Variants in F7 observed in about 807,000 individuals in gnomAD.
F7 encodes FVII coagulation protein.
In F7, 38 loss-of-function variants were observed where a neutral mutation model predicts 47.5. The ratio of observed to expected loss-of-function variants is 0.80; its 90% CI spans 0.62 to 1.05. The LOEUF (loss-of-function observed/expected upper bound fraction) is 1.05, where lower values mean the gene tolerates loss of function less well. F7 is among the 50% of genes least tolerant of loss of function. F7 has a pLI of 0.00. For synonymous variants in F7, 244 were observed against 258.5 expected (o/e 0.94, Z 0.54); for missense variants, 575 against 605.4 (o/e 0.95, Z 0.53).
intron 1 of F7, chr13:113,106,913 G>A (rs1216046931): frequency 1.2e-6 from 2 of 1,601,476 alleles, no homozygotes. Context: ...TCACAGAGGT[G>A]AGCAGGGACT....
chr13:113,110,329 A>AG (rs918926786), intron 1 of F7: 7 of 242,762 alleles, frequency 2.9e-5, no homozygotes, highest in African/African-American at 4.7e-5. Flanking sequence ...CGTGGGCCCC[A>AG]GGGGGTTGCC....
rs2036245872 is a variant in F7, at chr13:113,118,756, C to G, written c.1083C>G (p.Ile361Met). 2.5e-6 allele frequency: 4 copies of G among 1,613,076 alleles called. No individual in the cohort carries two copies. In the African/African-American group the frequency reaches 5.3e-5, roughly 22 times the overall value. Residue 361 changes from isoleucine (I) to methionine (M), a missense_variant, in exon 8 of 8, where the codon ATC (isoleucine) becomes ATG (methionine). Transcript: ENST00000346342. Reference protein sequence around the residue: ...QSRKVGDSPNITEYMFCAGYS... With the variant: ...QSRKVGDSPNMTEYMFCAGYS... ...GGAAGGTGGGAGACTCCCCAAATAT[C>G]ACGGAGTACATGTTCTGTGCCGGCT...
intron 4 of F7, among the ~76,000 whole-genome samples, chr13:113,115,225 G>A (rs1275380536): frequency 6.6e-6 from 1 of 152,224 alleles, no homozygotes; most frequent in Admixed American, 6.5e-5. Flanking sequence ...CGGGCTCACG[G>A]TGGTACGAGG....
At chr13:113,110,459 CG>C in intron 1 of F7, 1 of 509,158 alleles carries the variant, frequency 2.0e-6, no homozygotes. Context: ...AGCGCGCCCT[CG>C]GGATCAGCCC....
chr13:113,111,061 C>A lies in F7; in HGVS notation c.225+211C>A, dbSNP rs193292741. On this transcript the variant is annotated intron_variant, in intron 2 of 7. Transcript: ENST00000346342. ...CCCACCCCCAGGCACGCGCTCTCCC[C>A]GTGCGGCCGCACCGCGCATGCCGGT... 2.6e-5 allele frequency among the ~76,000 whole-genome samples: 4 copies of A among 152,204 alleles called. 1 individual carries two copies. Among genetic ancestry groups the A allele is most frequent in the Admixed American group, 6.5e-5 (1 of 15,288 alleles).
chr13:113,111,237 C>T (rs1247702149), intron 2 of F7, among the ~76,000 whole-genome samples: 2 of 152,178 alleles, frequency 1.3e-5, no homozygotes, highest in African/African-American at 4.8e-5. Flanking sequence ...GAAGCTGGCC[C>T]ACAGCATGCC....
At chr13:113,114,621 G>C (rs780316133) in intron 4 of F7, 4 of 157,162 alleles carry the variant, frequency 2.5e-5, no homozygotes, top group African/African-American at 9.7e-5. Context: ...TACGAGCCCC[G>C]GTGTCCAGAG....
Position 113,119,070 on chromosome 13 carries a change from T to C in F7, c.*62T>C. 5.2e-6 allele frequency: 7 copies of C among 1,357,172 alleles called. No individual in the cohort carries two copies. Among genetic ancestry groups the C allele is most frequent in the Non-Finnish European group, 5.0e-6 (5 of 991,140 alleles). The allele number at this position is 1,357,172 out of a possible 1,614,324, so 84.1% of individuals were successfully genotyped here. A position where few individuals can be genotyped will look rare whatever the true frequency, so the allele number is the denominator to read the frequency against. On this transcript the variant is annotated 3_prime_UTR_variant, in exon 8 of 8. Coordinates refer to ENST00000346342, the MANE Select transcript of F7 (RefSeq NM_019616.4). ...TGCGTCGAACTGTCCTGGCACCAAA[T>C]CCCATATATTCTTCTGCAGTTAATG...
Position 113,105,862 on chromosome 13 carries a change from G to C in F7, c.21G>C (p.Arg7Ser). MVSQALRLLCLLLGLQG... is the reference protein window; with the variant it reads MVSQALSLLCLLLGLQG... ...TCATCATGGTCTCCCAGGCCCTCAG[G>C]CTCCTCTGCCTTCTGCTTGGGCTTC... Residue 7 changes from arginine (R) to serine (S), a missense_variant, in exon 1 of 8, where the codon AGG (arginine) becomes AGC (serine). Transcript: ENST00000346342. 6.3e-7 allele frequency: 1 copy of C among 1,591,418 alleles called. No homozygotes were observed. Among genetic ancestry groups the C allele is most frequent in the South Asian group, 1.1e-5 (1 of 86,990 alleles).
chr13:113,116,279 G>A (rs973350059), intron 5 of F7, among the ~76,000 whole-genome samples: 4 of 152,206 alleles, frequency 2.6e-5, no homozygotes, highest in South Asian at 2.1e-4. Context: ...TCAAAGAGGC[G>A]GACGTGCCCA....
At chr13:113,117,367 A>C (rs2036211633) in intron 6 of F7, 106 bp from the exon 7 acceptor site, 1 of 1,555,732 alleles carries the variant, frequency 6.4e-7, no homozygotes, top group Non-Finnish European at 8.7e-7. Flanking sequence ...GGATTTCAGA[A>C]AGAAATTGTG....
At chr13:113,107,251 CCCGGGAGT>C (rs2035978964) in intron 1 of F7, among the ~76,000 whole-genome samples, 1 of 149,262 alleles carries the variant, frequency 6.7e-6, no homozygotes, top group Admixed American at 6.7e-5. Flanking sequence ...GTGTGGGTGT[CCCGGGAGT>C]GTGGGTGTCC....
At chr13:113,110,184 G>C (rs2036061733) in intron 1 of F7, among the ~76,000 whole-genome samples, 1 of 152,158 alleles carries the variant, frequency 6.6e-6, no homozygotes, top group Non-Finnish European at 1.5e-5. Context: ...TGTCGGGGGA[G>C]CCGGGCAGGG....
At chr13:113,106,846 CG>C (rs1566904599) in intron 1 of F7, 2 of 1,599,428 alleles carry the variant, frequency 1.3e-6, no homozygotes, top group Non-Finnish European at 1.7e-6. Flanking sequence ...CTGCCCCAGG[CG>C]GGGTCGCTAA....
intron 1 of F7, among the ~76,000 whole-genome samples, chr13:113,107,124 C>T (rs1214448883): frequency 2.0e-5 from 3 of 152,112 alleles, no homozygotes; most frequent in South Asian, 4.1e-4. Context: ...CATTCTGTTC[C>T]TTCCAGATAA....
At chr13:113,117,395 T>C in intron 6 of F7, 78 bp from the exon 7 acceptor site, 1 of 1,597,828 alleles carries the variant, frequency 6.3e-7, no homozygotes, top group Non-Finnish European at 8.6e-7. Context: ...AGAGGTTCCT[T>C]GGCATGCCCG....
At position 113,119,067 on chromosome 13, in the gene F7, A is replaced by G; in HGVS notation, c.*59A>G. 6.6e-7 allele frequency: 1 copy of G among 1,511,794 alleles called. No homozygotes were observed. Among genetic ancestry groups the G allele is most frequent in the Non-Finnish European group, 9.0e-7 (1 of 1,106,516 alleles). The allele number at this position is 1,511,794 out of a possible 1,614,324, so 93.6% of individuals were successfully genotyped here. A position where few individuals can be genotyped will look rare whatever the true frequency, so the allele number is the denominator to read the frequency against. On this transcript the variant is annotated 3_prime_UTR_variant, in exon 8 of 8. Transcript: ENST00000346342. ...GGCTGCGTCGAACTGTCCTGGCACC[A>G]AATCCCATATATTCTTCTGCAGTTA...
At chr13:113,109,863 G>C (rs902577024) in intron 1 of F7, among the ~76,000 whole-genome samples, 1 of 152,226 alleles carries the variant, frequency 6.6e-6, no homozygotes, top group Non-Finnish European at 1.5e-5. Context: ...TCGGCTGTAG[G>C]GCGTCCTGAA....
intron 6 of F7, 46 bp downstream of exon 6, chr13:113,116,921 A>G (rs764171992): frequency 2.1e-6 from 3 of 1,457,838 alleles, no homozygotes; most frequent in Non-Finnish European, 2.9e-6. Context: ...GAGGGTCTTG[A>G]AGCCTTTTGA....
Sources: allele counts gnomAD v4.1 joint callset (sites outside exome capture counted in the v4.1 genomes callset), GRCh38; gene constraint gnomAD v4.1.1; transcripts MANE v1.5; gene names NCBI Gene and HGNC (gene_info 2026-07-23, HGNC 2026-07-21).